The following ZNF723 variants were observed in gnomAD, a reference collection of about 807,000 sequenced individuals.
ZNF723 encodes the protein zinc finger protein 723.
A neutral mutation model predicts 9.4 loss-of-function variants in ZNF723; 5 were observed. The observed-to-expected ratio is 0.53, with a 90% CI of 0.28 to 1.12. ZNF723 has a LOEUF of 1.12. Ranked by LOEUF, ZNF723 falls within the 50% of genes most tolerant of loss-of-function variation. The probability of loss-of-function intolerance (pLI) is 0.10; values close to 1 mark genes in which losing one functional copy is unlikely to be tolerated. For synonymous variants in ZNF723, 158 were observed against 168.8 expected (o/e 0.94, Z 0.49); for missense variants, 450 against 501.5 (o/e 0.90, Z 0.98).
intron 1 of ZNF723, among the ~76,000 whole-genome samples, chr19:22,842,881 G>A (rs1351424418): frequency 1.3e-5 from 2 of 152,166 alleles, no homozygotes; most frequent in Admixed American, 6.6e-5. Context: ...ATTGTCAGAT[G>A]TCAACATAGA....
intron 2 of ZNF723, among the ~76,000 whole-genome samples, chr19:22,848,840 C>T (rs933857179): frequency 4.0e-5 from 6 of 151,810 alleles, no homozygotes; most frequent in South Asian, 2.1e-4. Context: ...CTGCAATCCT[C>T]ACCTCCCAGG....
At chr19:22,831,532 G>C (rs1599468946), upstream of ZNF723, among the ~76,000 whole-genome samples, 1 of 151,780 alleles carries the variant, frequency 6.6e-6, no homozygotes, top group African/African-American at 2.4e-5. Context: ...ACTCCAACCT[G>C]GGCAACAGAG....
At chr19:22,831,056 C>T (rs1967088088), upstream of ZNF723, among the ~76,000 whole-genome samples, 1 of 152,156 alleles carries the variant, frequency 6.6e-6, no homozygotes, top group African/African-American at 2.4e-5. Context: ...AGCCACCGTG[C>T]CCGGCCATAG....
chr19:22,837,927 C>T (rs941575515), intron 1 of ZNF723, among the ~76,000 whole-genome samples: 6 of 152,158 alleles, frequency 3.9e-5, no homozygotes. Flanking sequence ...TCTGGGCCAC[C>T]TGTTCATAAT....
In ZNF723 at chr19:22,844,954, A is replaced by G. The variant is rs577084479; in HGVS notation, c.4-3307A>G. On this transcript the variant is annotated intron_variant, in intron 1 of 3. Transcript: ENST00000600766. Reference sequence around the variant, plus strand: ...AACATGGTGAAACCCCATCTCTACTAAAAATAGAAAAAAAATTAGCCGGGC... The same window carrying G: ...AACATGGTGAAACCCCATCTCTACTGAAAATAGAAAAAAAATTAGCCGGGC... 3.3e-5 allele frequency among the ~76,000 whole-genome samples: 5 copies of G among 152,172 alleles called. No individual in the cohort carries two copies. In the East Asian group the frequency reaches 9.7e-4, roughly 29 times the overall value.
chr19:22,844,882 C>T (rs1229974322), intron 1 of ZNF723, among the ~76,000 whole-genome samples: 1 of 152,106 alleles, frequency 6.6e-6, no homozygotes, highest in African/African-American at 2.4e-5. Flanking sequence ...ATTTGGGAGG[C>T]CGAGGCGGGT....
Position 22,847,050 on chromosome 19 carries a change from T to TA in ZNF723, c.4-1210dup, listed in dbSNP as rs1426280277. Among the ~76,000 whole-genome samples the TA allele has an allele frequency of 6.0e-5, 9 of 149,098 alleles. No individual in the cohort carries two copies. In the East Asian group the frequency reaches 1.6e-3, roughly 26 times the overall value. On this transcript the variant is annotated intron_variant, in intron 1 of 3. Transcript: ENST00000600766. The stretch of plus-strand genomic sequence containing the variant: ...TCTCTGACAGATTTTTTTTTTTTTT[T>TA]ACTATAATTTTTTTCTTTGTTATTT...
At chr19:22,814,020 C>A in the ZNF723 span, among the ~76,000 whole-genome samples, 1 of 151,844 alleles carries the variant, frequency 6.6e-6, no homozygotes, top group Non-Finnish European at 1.5e-5. Flanking sequence ...CTATGTTGGC[C>A]AGTCTGGTCT....
intron 1 of ZNF723, among the ~76,000 whole-genome samples, chr19:22,846,705 A>C (rs1295753324): frequency 6.6e-6 from 1 of 152,088 alleles, no homozygotes; most frequent in Non-Finnish European, 1.5e-5. Context: ...TGCTCAAAAA[A>C]GACTCCTTAA....
chr19:22,814,607 T>C, the ZNF723 span, among the ~76,000 whole-genome samples: 5 of 152,202 alleles, frequency 3.3e-5, no homozygotes, highest in Non-Finnish European at 7.3e-5. Context: ...TTTGAGATGG[T>C]GACTCATGTA....
At chr19:22,812,954 T>TTTGTTTGTTTG in the ZNF723 span, among the ~76,000 whole-genome samples, 142 of 151,302 alleles carry the variant, frequency 9.4e-4, no homozygotes, top group Middle Eastern at 6.8e-3. Flanking sequence ...AAGGTGTTTT[T>TTTGTTTGTTTG]TTTGTTTGTT....
intron 1 of ZNF723, among the ~76,000 whole-genome samples, chr19:22,839,738 GT>G (rs1187655040): frequency 6.6e-6 from 1 of 151,894 alleles, no homozygotes; most frequent in Non-Finnish European, 1.5e-5. Flanking sequence ...GCCTCCCAAA[GT>G]GCTAGGATTA....
intron 1 of ZNF723, 103 bp from the exon 2 acceptor site, chr19:22,848,158 C>G: frequency 2.0e-6 from 1 of 496,394 alleles, no homozygotes; most frequent in Non-Finnish European, 3.6e-6. Context: ...TAAGTCAGAA[C>G]CTGTTCTCTT....
At chr19:22,829,580 C>T (rs180992718), upstream of ZNF723, among the ~76,000 whole-genome samples, 3 of 152,130 alleles carry the variant, frequency 2.0e-5, no homozygotes, top group South Asian at 2.1e-4. Context: ...CAACCACGCC[C>T]GGCCAATAAG....
upstream of ZNF723, among the ~76,000 whole-genome samples, chr19:22,827,425 A>AT (rs36145762): frequency 1.4e-3 from 179 of 131,578 alleles, no homozygotes; most frequent in Middle Eastern, 4.1e-3. Context: ...GGTTTCAACT[A>AT]TTTTTTTTTT....
At chr19:22,838,338 G>C (rs1967194166) in intron 1 of ZNF723, among the ~76,000 whole-genome samples, 2 of 152,182 alleles carry the variant, frequency 1.3e-5, no homozygotes, top group South Asian at 4.1e-4. Flanking sequence ...TGGATCACGA[G>C]GTCAGGAGTT....
At chr19:22,830,542 C>A (rs1268386717), upstream of ZNF723, among the ~76,000 whole-genome samples, 1 of 151,640 alleles carries the variant, frequency 6.6e-6, no homozygotes, top group East Asian at 1.9e-4. Context: ...AAAAATCCAG[C>A]TTCTAGTGTA....
At chr19:22,852,850 T>A in intron 3 of ZNF723, among the ~76,000 whole-genome samples, 1 of 152,154 alleles carries the variant, frequency 6.6e-6, no homozygotes, top group East Asian at 1.9e-4. Context: ...TGCCACTATG[T>A]TTTCTGTTTT....
Position 22,857,313 on chromosome 19 carries a change from C to T in ZNF723, c.422C>T (p.Pro141Leu), listed in dbSNP as rs536587743. 484 of 820,466 alleles carry T rather than the reference C, an allele frequency of 5.9e-4. 1 individual carries two copies. Among genetic ancestry groups the T allele is most frequent in the African/African-American group, 3.5e-3 (209 of 59,726 alleles). 50.8% of individuals were successfully genotyped at this position (820,466 alleles called of 1,614,324 possible). ...CTTAAGCAATGTTTGACAACTACCCCGAGCAAAATATTTCAATGTGATAAA... is the reference window on the plus strand; with the variant it reads ...CTTAAGCAATGTTTGACAACTACCCTGAGCAAAATATTTCAATGTGATAAA... ...DELKQCLTTT[P>L]SKIFQCDKYV... The change falls in exon 4 of 4, where the codon CCG becomes CTG. Residue 141 changes from proline (P) to leucine (L), a missense_variant. By Grantham distance (98) the Pro-to-Leu change is moderately conservative. Coordinates refer to ENST00000600766, the MANE Select transcript of ZNF723 (RefSeq NM_001349726.2).
Sources: allele counts gnomAD v4.1 joint callset (sites outside exome capture counted in the v4.1 genomes callset), GRCh38; gene constraint gnomAD v4.1.1; transcripts MANE v1.5; gene names NCBI Gene and HGNC (gene_info 2026-07-23, HGNC 2026-07-21).